NLRP4: variants seen among roughly 807,000 people sequenced by gnomAD.
The protein encoded by NLRP4 is NACHT, LRR and PYD domains-containing protein 4.
Under a neutral mutation model 84.7 loss-of-function variants are expected in NLRP4, and 44 were observed. The observed-to-expected ratio is 0.52, with a 90% CI of 0.41 to 0.67. The LOEUF is 0.67. Among genes scored for constraint, NLRP4 ranks in the 30% least tolerant of loss-of-function variants. The probability of loss-of-function intolerance (pLI) is 0.00; values close to 1 mark genes in which losing one functional copy is unlikely to be tolerated. For missense variants in NLRP4, 1,260 were observed against 1,219.4 expected, an observed-to-expected ratio of 1.03 and a Z score of -0.50; for synonymous variants, 544 against 476.4, an observed-to-expected ratio of 1.14 and a Z score of -1.85.
chr19:55,879,568 T>A (rs1056773131), intron 9 of NLRP4, among the ~76,000 whole-genome samples: 1 of 152,126 alleles, frequency 6.6e-6, no homozygotes, highest in Admixed American at 6.5e-5. Context: ...ACTGTACCCA[T>A]GCTAATAAAA....
At chr19:55,853,912 T>C (rs985351471) in intron 2 of NLRP4, among the ~76,000 whole-genome samples, 1 of 120,266 alleles carries the variant, frequency 8.3e-6, no homozygotes, top group Non-Finnish European at 1.6e-5. Flanking sequence ...TCTCTTTCTC[T>C]TTCTTTCTCT....
At chr19:55,850,004 G>GTCCGTGGCTGCGGTGTA (rs1983988964) in intron 1 of NLRP4, among the ~76,000 whole-genome samples, 3 of 28,326 alleles carry the variant, frequency 1.1e-4, no homozygotes, top group African/African-American at 2.2e-4. Flanking sequence ...ACTGCGGTGT[G>GTCCGTGGCTGCGGTGTA]ATTTCCGAGA....
intron 1 of NLRP4, among the ~76,000 whole-genome samples, chr19:55,850,630 C>T (rs1984061137): frequency 8.5e-6 from 1 of 117,722 alleles, no homozygotes; most frequent in Admixed American, 7.6e-5. Context: ...GTGTAATGTC[C>T]GAGGCTGCGG....
At chr19:55,859,926 C>CA (rs1166037425) in intron 3 of NLRP4, among the ~76,000 whole-genome samples, 5,012 of 17,422 alleles carry the variant, frequency 0.29, 1,357 homozygotes, top group East Asian at 0.58. Flanking sequence ...CTCTCATCTC[C>CA]AAAAAAAAAA....
intron 1 of NLRP4, among the ~76,000 whole-genome samples, chr19:55,843,093 T>G (rs537438106): frequency 2.6e-5 from 4 of 152,266 alleles, no homozygotes; most frequent in African/African-American, 9.6e-5. Context: ...CTGGTTAGAC[T>G]TGAGTCAGCA....
At chr19:55,871,400 G>C (rs533919870) in intron 7 of NLRP4, among the ~76,000 whole-genome samples, 3 of 152,086 alleles carry the variant, frequency 2.0e-5, no homozygotes, top group Non-Finnish European at 4.4e-5. Context: ...AAAAATACAC[G>C]TGAGAATTAA....
chr19:55,870,948 ACT>A lies in NLRP4; in HGVS notation c.2481_2482del (p.Cys828ArgfsTer26), dbSNP rs758799389. The A allele has an allele frequency of 6.2e-6, 10 of 1,613,870 alleles. No homozygotes were observed. The highest frequency in any genetic ancestry group is 3.3e-5 in the South Asian group (3 of 91,074). ...TGTCCTGAAGGACGAAGGACTGAAA[ACT>A]CTCTGCGAGGCCTTGAAACATCCGG... ...ANVLKDEGLK[T>X]LCEALKHPDC... On this transcript the variant is annotated frameshift_variant, in exon 7 of 10. Transcript: ENST00000301295. LOFTEE classifies it high-confidence loss of function.
chr19:55,852,958 A>G (rs190329102), intron 2 of NLRP4, among the ~76,000 whole-genome samples: 2 of 152,240 alleles, frequency 1.3e-5, no homozygotes, highest in Non-Finnish European at 2.9e-5. Flanking sequence ...AAGTCGTTGC[A>G]TAAGAACTAT....
intron 1 of NLRP4, among the ~76,000 whole-genome samples, chr19:55,850,151 G>A (rs895316691): frequency 1.4e-5 from 2 of 143,358 alleles, no homozygotes; most frequent in Admixed American, 6.7e-5. Context: ...TGTAATTTCC[G>A]AGGCTGCGGT....
At chr19:55,878,482 G>A (rs371391539) in intron 8 of NLRP4, among the ~76,000 whole-genome samples, 1 of 6,150 alleles carries the variant, frequency 1.6e-4, no homozygotes, top group Non-Finnish European at 4.7e-4. Flanking sequence ...TGTTATCTGA[G>A]ACGGCTTCAT....
chr19:55,857,827 G>A lies in NLRP4; in HGVS notation c.434G>A (p.Gly145Glu). 6.2e-7 allele frequency: 1 copy of A among 1,614,042 alleles called. No individual in the cohort carries two copies. The highest frequency in any genetic ancestry group is 8.5e-7 in the Non-Finnish European group (1 of 1,179,976). ...LDRLFAPKEA[G>E]KQPRTVIIQG... ...CGCCTTTTTGCTCCCAAGGAAGCTG[G>A]GAAACAGCCACGTACAGTGATCATT... The change falls in exon 3 of 10, where the codon GGG becomes GAG. Residue 145 changes from glycine to glutamate, a missense_variant. Physicochemically the swap from Gly to Glu is moderately conservative, Grantham distance 98 (BLOSUM62 -2). Coordinates refer to ENST00000301295, the MANE Select transcript of NLRP4 (RefSeq NM_134444.5).
At position 55,877,020 on chromosome 19, in the gene NLRP4, T is replaced by C; in HGVS notation, c.2550T>C (p.Ala850=). The C allele has an allele frequency of 6.2e-7, 1 of 1,614,034 alleles. No individual in the cohort carries two copies. ...GTTTGGTAAAATGTTTTATCACTGC[T>C]GCTGGCTGTGAAGACCTCGCCTCTG... ...SLCLVKCFIT[A]AGCEDLASAL... The change falls in exon 8 of 10, where the codon GCT becomes GCC. Residue 850 remains alanine, a synonymous_variant. Transcript: ENST00000301295.
At chr19:55,839,782 T>C (rs1983537902) in intron 1 of NLRP4, among the ~76,000 whole-genome samples, 1 of 152,174 alleles carries the variant, frequency 6.6e-6, no homozygotes, top group African/African-American at 2.4e-5. Flanking sequence ...CTACTTTCTT[T>C]TGGTGTGTTT....
chr19:55,881,656 C>A lies in NLRP4; in HGVS notation c.*69C>A. On this transcript the variant is annotated 3_prime_UTR_variant, in exon 10 of 10. Coordinates refer to ENST00000301295, the MANE Select transcript of NLRP4 (RefSeq NM_134444.5). ...GGGACTGGGACCGTTACTTACATGA[C>A]ACTGCACCCAGGAGATACAAATCAT... is the stretch of plus-strand genomic sequence containing the variant. The A allele has an allele frequency of 2.7e-6, 2 of 730,798 alleles. No individual in the cohort carries two copies. The highest frequency in any genetic ancestry group is 4.8e-6 in the Non-Finnish European group (2 of 413,318). 45.3% of individuals were successfully genotyped at this position (730,798 alleles called of 1,614,324 possible). A position where few individuals can be genotyped will look rare whatever the true frequency, so the allele number is the denominator to read the frequency against.
intron 1 of NLRP4, among the ~76,000 whole-genome samples, chr19:55,844,479 T>G (rs1282056860): frequency 6.6e-6 from 1 of 152,128 alleles, no homozygotes; most frequent in Non-Finnish European, 1.5e-5. Flanking sequence ...TTTTACCATG[T>G]TGGCCAGGCT....
rs775989868 is a variant in NLRP4, at chr19:55,852,145, A to G, written c.65A>G (p.Glu22Gly). 2 of 1,607,432 alleles carry G rather than the reference A, an allele frequency of 1.2e-6. No homozygotes were observed. Among genetic ancestry groups the G allele is most frequent in the Admixed American group, 1.7e-5 (1 of 58,500 alleles). The change falls in exon 2 of 10, where the codon GAG becomes GGG. Residue 22 changes from glutamate (E) to glycine (G), a missense_variant. Glu to Gly is a moderately conservative substitution (Grantham distance 98, BLOSUM62 -2). Coordinates refer to ENST00000301295, the MANE Select transcript of NLRP4 (RefSeq NM_134444.5). Reference protein sequence around the residue: ...MWYLEELKKEEFRKFKEHLKQ... With the variant: ...MWYLEELKKEGFRKFKEHLKQ... ...TATCTGGAGGAGCTCAAAAAGGAGG[A>G]GTTCAGGAAATTTAAAGAACATCTC...
At chr19:55,866,365 T>C (rs1337818357) in intron 5 of NLRP4, among the ~76,000 whole-genome samples, 2 of 152,170 alleles carry the variant, frequency 1.3e-5, no homozygotes, top group African/African-American at 2.4e-5. Flanking sequence ...AGAAAGAACA[T>C]TAAAAGCATG....
At chr19:55,879,390 C>T (rs760225370) in intron 9 of NLRP4, among the ~76,000 whole-genome samples, 5 of 152,214 alleles carry the variant, frequency 3.3e-5, no homozygotes, top group South Asian at 2.1e-4. Flanking sequence ...GTTTTATAGA[C>T]GAGCTGGTGG....
intron 1 of NLRP4, among the ~76,000 whole-genome samples, chr19:55,851,487 G>T (rs1303651397): frequency 2.1e-4 from 2 of 9,696 alleles, no homozygotes; most frequent in Non-Finnish European, 3.1e-4. Context: ...GCGGTGTAAT[G>T]TCCGTGGCTG....
Sources: allele counts gnomAD v4.1 joint callset (sites outside exome capture counted in the v4.1 genomes callset), GRCh38; gene constraint gnomAD v4.1.1; transcripts MANE v1.5; gene names NCBI Gene and HGNC (gene_info 2026-07-23, HGNC 2026-07-21).